Variants in LRBA observed in about 807,000 individuals in gnomAD.
LRBA encodes lipopolysaccharide-responsive and beige-like anchor protein.
LRBA carries 176 observed loss-of-function variants against 330.0 expected under a neutral mutation model. The observed-to-expected ratio is 0.53, with a 90% CI of 0.47 to 0.60. LRBA has a LOEUF of 0.60. LRBA is among the 20% of genes least tolerant of loss of function. The pLI, the probability that LRBA is intolerant of heterozygous loss-of-function variation, is 0.00. For missense variants in LRBA, 3,259 were observed against 3,444.8 expected (o/e 0.95, Z 1.35); for synonymous variants, 1,230 against 1,193.0 (o/e 1.03, Z -0.64).
At chr4:150,284,364 T>C (rs1412097276) in intron 54 of LRBA, among the ~76,000 whole-genome samples, 1 of 152,216 alleles carries the variant, frequency 6.6e-6, no homozygotes, top group African/African-American at 2.4e-5. Context: ...GCTCCTTACA[T>C]GTATATAACA....
intron 29 of LRBA, among the ~76,000 whole-genome samples, chr4:150,828,955 G>GTA (rs1746732633): frequency 6.6e-6 from 1 of 151,372 alleles, no homozygotes; most frequent in South Asian, 2.1e-4. Context: ...GTGTGTGTGT[G>GTA]TGTGTGTGTC....
At chr4:150,420,479 AATAT>A (rs369589932) in intron 46 of LRBA, among the ~76,000 whole-genome samples, 1 of 65,672 alleles carries the variant, frequency 1.5e-5, no homozygotes, top group African/African-American at 5.2e-5. Flanking sequence ...TACACATTAT[AATAT>A]ATATAAAGTA....
At chr4:150,895,285 A>AT (rs1030403738) in intron 16 of LRBA, among the ~76,000 whole-genome samples, 3 of 151,394 alleles carry the variant, frequency 2.0e-5, no homozygotes, top group Non-Finnish European at 4.4e-5. Context: ...TTTTCTTTTT[A>AT]TTTTTTTTTA....
At chr4:150,522,276 C>A (rs1762995720) in intron 40 of LRBA, among the ~76,000 whole-genome samples, 1 of 152,040 alleles carries the variant, frequency 6.6e-6, no homozygotes, top group Admixed American at 6.5e-5. Context: ...TTACAAATTA[C>A]CCAGACTTAG....
intron 36 of LRBA, among the ~76,000 whole-genome samples, chr4:150,734,578 T>C (rs1217458628): frequency 1.3e-5 from 2 of 152,176 alleles, no homozygotes; most frequent in Non-Finnish European, 2.9e-5. Context: ...TCCAATTCTA[T>C]AGCAAATGTA....
At chr4:150,311,979 A>G (rs1731133049) in intron 51 of LRBA, among the ~76,000 whole-genome samples, 1 of 152,154 alleles carries the variant, frequency 6.6e-6, no homozygotes, top group Non-Finnish European at 1.5e-5. Flanking sequence ...TGGTTACTGC[A>G]GTACTTTGTT....
At chr4:150,872,484 AAATT>A (rs1379719059) in intron 18 of LRBA, among the ~76,000 whole-genome samples, 175 bp downstream of exon 18, 3 of 152,300 alleles carry the variant, frequency 2.0e-5, no homozygotes, top group Middle Eastern at 3.4e-3. Context: ...ATGTACAAAA[AAATT>A]AATCCTGTTC....
intron 44 of LRBA, among the ~76,000 whole-genome samples, chr4:150,444,103 T>A (rs1379360732): frequency 2.0e-5 from 3 of 151,888 alleles, no homozygotes; most frequent in Non-Finnish European, 4.4e-5. Flanking sequence ...CGAATTTTTT[T>A]AAAAAGCGTA....
intron 2 of LRBA, among the ~76,000 whole-genome samples, chr4:150,939,874 T>G (rs886077251): frequency 4.6e-5 from 7 of 152,176 alleles, no homozygotes; most frequent in African/African-American, 1.7e-4. Flanking sequence ...TTGGGTACAA[T>G]GTGCACTATT....
chr4:150,926,527 A>T (rs114833356), intron 4 of LRBA, among the ~76,000 whole-genome samples: 1,698 of 152,336 alleles, frequency 0.011, 11 homozygotes, highest in Middle Eastern at 0.051. Context: ...GAATATGACA[A>T]AATCCAACAC....
At chr4:150,609,975 G>T (rs4491991) in intron 37 of LRBA, among the ~76,000 whole-genome samples, 2 of 152,068 alleles carry the variant, frequency 1.3e-5, no homozygotes, top group South Asian at 4.1e-4. Context: ...AAAATCCAAG[G>T]ATGTAAGACT....
At chr4:150,571,962 G>T (rs537750024) in intron 40 of LRBA, among the ~76,000 whole-genome samples, 1 of 150,926 alleles carries the variant, frequency 6.6e-6, no homozygotes, top group African/African-American at 2.4e-5. Context: ...TCATCTCTTC[G>T]TATTACTTAG....
intron 48 of LRBA, among the ~76,000 whole-genome samples, chr4:150,335,532 G>GTATATA (rs755575891): frequency 4.8e-5 from 7 of 144,816 alleles, no homozygotes; most frequent in African/African-American, 1.8e-4. Flanking sequence ...ATATATGTGT[G>GTATATA]TATATATATA....
intron 47 of LRBA, among the ~76,000 whole-genome samples, chr4:150,413,135 T>C (rs1747253769): frequency 6.6e-6 from 1 of 151,932 alleles, no homozygotes; most frequent in Non-Finnish European, 1.5e-5. Flanking sequence ...TTTTCATCAT[T>C]AGGATAATGC....
rs150466607 is a variant in LRBA, at chr4:150,349,920, G to A, written c.7362+72C>T. On this transcript the variant is annotated intron_variant, in intron 48 of 56. Transcript: ENST00000651943. Reference sequence around the variant, plus strand: ...TCATCACTAAAATCAAAGGATGGGGGAGGTGTTCTCTAGCTCCTTCTAGTT... The same window carrying A: ...TCATCACTAAAATCAAAGGATGGGGAAGGTGTTCTCTAGCTCCTTCTAGTT... 36 of 1,283,132 alleles carry A rather than the reference G, an allele frequency of 2.8e-5. No individual in the cohort carries two copies. The African/African-American group carries it at 4.3e-4, about 15-fold the overall frequency. The allele number at this position is 1,283,132 out of a possible 1,614,324, so 79.5% of individuals were successfully genotyped here.
In LRBA at chr4:150,422,247, TTAGA is replaced by T. The variant is rs370446370; in HGVS notation, c.7042-6661_7042-6658del. 4.2e-4 allele frequency among the ~76,000 whole-genome samples: 64 copies of T among 152,092 alleles called. 1 individual carries two copies. The South Asian group carries it at 0.013, about 31-fold the overall frequency. On this transcript the variant is annotated intron_variant, in intron 46 of 56. Coordinates refer to ENST00000651943, the MANE Select transcript of LRBA (RefSeq NM_001364905.1). ...TGGCACCCTAGCCTAGGAAACAGAG[TTAGA>T]CCTTGTCTCAAAACAAAAACCCAAA...
At chr4:150,295,651 T>G (rs1248705734) in intron 53 of LRBA, among the ~76,000 whole-genome samples, 1 of 152,210 alleles carries the variant, frequency 6.6e-6, no homozygotes, top group Non-Finnish European at 1.5e-5. Flanking sequence ...TGTGATCATT[T>G]CATACTTTTT....
At chr4:150,607,552 A>G (rs975442432) in intron 37 of LRBA, among the ~76,000 whole-genome samples, 1 of 151,478 alleles carries the variant, frequency 6.6e-6, no homozygotes, top group African/African-American at 2.4e-5. Context: ...TATTTCTAAT[A>G]GGTAAGTAAT....
intron 24 of LRBA, 135 bp from the exon 25 acceptor site, chr4:150,849,710 T>C: frequency 1.5e-6 from 1 of 668,628 alleles, no homozygotes; most frequent in South Asian, 1.8e-5. Context: ...CAGCAGGCAT[T>C]TGGAGGGTGT....
Sources: allele counts gnomAD v4.1 joint callset (sites outside exome capture counted in the v4.1 genomes callset), GRCh38; gene constraint gnomAD v4.1.1; transcripts MANE v1.5; gene names NCBI Gene and HGNC (gene_info 2026-07-23, HGNC 2026-07-21).